Variants in MTHFD2L observed in about 807,000 individuals in gnomAD.
The protein encoded by MTHFD2L is methylenetetrahydrofolate dehydrogenase (NADP+ dependent) 2 like, also known as bifunctional methylenetetrahydrofolate dehydrogenase/cyclohydrolase 2, mitochondrial.
MTHFD2L carries 29 observed loss-of-function variants against 34.9 expected under a neutral mutation model. That is an observed-to-expected ratio of 0.83 (90% CI 0.62 to 1.13). The LOEUF (loss-of-function observed/expected upper bound fraction) is 1.13, where lower values mean the gene tolerates loss of function less well. MTHFD2L is among the 50% of genes most tolerant of loss of function. The pLI is 0.00. For synonymous variants in MTHFD2L, 167 were observed against 155.7 expected (o/e 1.07, Z -0.54); for missense variants, 481 against 446.5 (o/e 1.08, Z -0.70).
chr4:74,300,815 A>G (rs1404831204), intron 7 of MTHFD2L, among the ~76,000 whole-genome samples: 2 of 152,116 alleles, frequency 1.3e-5, no homozygotes, highest in East Asian at 1.9e-4. Flanking sequence ...AATGCATTTA[A>G]TACACCAAAG....
At chr4:74,131,506 G>A (rs1036661066) in intron 1 of MTHFD2L, among the ~76,000 whole-genome samples, 4 of 152,178 alleles carry the variant, frequency 2.6e-5, no homozygotes, top group African/African-American at 9.7e-5. Flanking sequence ...TTAATAAGTG[G>A]TGTTAGGAAA....
intron 7 of MTHFD2L, among the ~76,000 whole-genome samples, chr4:74,291,003 C>CCTTTTTT (rs1748846516): frequency 3.4e-5 from 1 of 29,272 alleles, no homozygotes; most frequent in Non-Finnish European, 6.5e-5. Context: ...TTTTCCTTTT[C>CCTTTTTT]TTTTTTTTTT....
intron 1 of MTHFD2L, among the ~76,000 whole-genome samples, chr4:74,127,055 C>T (rs1310899263): frequency 2.0e-5 from 3 of 152,070 alleles, no homozygotes; most frequent in African/African-American, 4.8e-5. Flanking sequence ...TCTGTCCTGC[C>T]GCTCCGTGAA....
At chr4:74,222,192 A>G (rs1235948566) in intron 5 of MTHFD2L, among the ~76,000 whole-genome samples, 1 of 152,182 alleles carries the variant, frequency 6.6e-6, no homozygotes, top group Admixed American at 6.6e-5. Context: ...TTATTTCTGC[A>G]TAGTAAAAGC....
chr4:74,301,604 A>G (rs1750336265), intron 7 of MTHFD2L, 93 bp from the exon 8 acceptor site: 2 of 691,782 alleles, frequency 2.9e-6, no homozygotes, highest in Non-Finnish European at 4.8e-6. Context: ...TTGTATATAT[A>G]ATGAAGAATC....
intron 3 of MTHFD2L, among the ~76,000 whole-genome samples, chr4:74,177,461 C>T (rs1236541929): frequency 4.0e-5 from 6 of 151,890 alleles, no homozygotes; most frequent in African/African-American, 1.2e-4. Context: ...CCTGAAAAGA[C>T]ATTTCTTAAG....
At chr4:74,273,228 G>GT (rs1189814032) in intron 6 of MTHFD2L, among the ~76,000 whole-genome samples, 1 of 152,134 alleles carries the variant, frequency 6.6e-6, no homozygotes, top group Non-Finnish European at 1.5e-5. Flanking sequence ...AACAATAAGA[G>GT]TTTTTTTCTG....
intron 6 of MTHFD2L, among the ~76,000 whole-genome samples, chr4:74,226,202 C>A (rs865958300): frequency 1.3e-5 from 2 of 151,838 alleles, no homozygotes; most frequent in Non-Finnish European, 2.9e-5. Context: ...AAAAAAAAAT[C>A]CCCTTTCAAC....
intron 1 of MTHFD2L, among the ~76,000 whole-genome samples, chr4:74,150,258 GTTGT>G (rs1224334696): frequency 6.6e-6 from 1 of 152,130 alleles, no homozygotes; most frequent in African/African-American, 2.4e-5. Context: ...TTTTGTTGTT[GTTGT>G]TTGTTTTTGA....
chr4:74,256,056 A>G (rs1036916411), intron 6 of MTHFD2L, among the ~76,000 whole-genome samples: 1 of 152,136 alleles, frequency 6.6e-6, no homozygotes. Context: ...TTTCTGTTTT[A>G]AGTTATTTGA....
chr4:74,132,403 C>G (rs926437091), intron 1 of MTHFD2L, among the ~76,000 whole-genome samples: 1 of 152,132 alleles, frequency 6.6e-6, no homozygotes, highest in African/African-American at 2.4e-5. Context: ...GAATACTATG[C>G]AGCCATAAAA....
chr4:74,228,862 G>A (rs1220506251), intron 6 of MTHFD2L, among the ~76,000 whole-genome samples: 1 of 152,182 alleles, frequency 6.6e-6, no homozygotes, highest in Admixed American at 6.5e-5. Flanking sequence ...TGTCCCACAA[G>A]CATCCCGCTG....
intron 1 of MTHFD2L, among the ~76,000 whole-genome samples, chr4:74,125,676 G>GA (rs1474662764): frequency 1.3e-5 from 2 of 151,410 alleles, no homozygotes; most frequent in African/African-American, 4.8e-5. Flanking sequence ...TTCAATGATA[G>GA]AAAAAATGCT....
chr4:74,156,940 A>G (rs564621015), upstream of MTHFD2L: 3 of 151,968 alleles, frequency 2.0e-5, no homozygotes, highest in East Asian at 5.8e-4. Context: ...AGTTCTTCGT[A>G]TATTTTGGGT....
At chr4:74,286,711 C>T (rs1748223029) in intron 7 of MTHFD2L, among the ~76,000 whole-genome samples, 1 of 152,178 alleles carries the variant, frequency 6.6e-6, no homozygotes, top group South Asian at 2.1e-4. Flanking sequence ...TTTCTCTACC[C>T]TTTTGAAGCT....
intron 1 of MTHFD2L, among the ~76,000 whole-genome samples, chr4:74,126,979 G>T (rs1464540894): frequency 6.6e-6 from 1 of 152,104 alleles, no homozygotes; most frequent in Non-Finnish European, 1.5e-5. Context: ...TCTCCTGATA[G>T]TGAATGAGTT....
chr4:74,241,501 C>A, intron 6 of MTHFD2L: 1 of 324,252 alleles, frequency 3.1e-6, no homozygotes, highest in Non-Finnish European at 6.3e-6. Flanking sequence ...CCAAGTGATC[C>A]TCCCACCTCA....
chr4:74,271,817 T>C (rs1044015945), intron 6 of MTHFD2L, among the ~76,000 whole-genome samples: 5 of 152,268 alleles, frequency 3.3e-5, no homozygotes, highest in African/African-American at 7.2e-5. Flanking sequence ...GAATGTTCTT[T>C]CATTTGTTTG....
intron 6 of MTHFD2L, among the ~76,000 whole-genome samples, chr4:74,247,428 G>C (rs1470086203): frequency 6.6e-6 from 1 of 151,822 alleles, no homozygotes; most frequent in Non-Finnish European, 1.5e-5. Flanking sequence ...TCTGCAAACA[G>C]GGACAATTTG....
Sources: gnomAD v4.1 joint callset for allele counts (sites outside exome capture counted in the v4.1 genomes callset) on GRCh38, gnomAD v4.1.1 for gene constraint, MANE v1.5 for transcripts, NCBI Gene and HGNC (gene_info 2026-07-23, HGNC 2026-07-21) for gene names.